The following RAD51B variants were observed in gnomAD, a reference collection of about 807,000 sequenced individuals.
RAD51B encodes the protein RAD51 paralog B.
A neutral mutation model predicts 42.2 loss-of-function variants in RAD51B; 38 were observed. The ratio of observed to expected loss-of-function variants is 0.90; its 90% CI spans 0.70 to 1.18. The LOEUF is 1.18. Ranked by LOEUF, RAD51B falls within the 50% of genes most tolerant of loss-of-function variation. The pLI is 0.00. For synonymous variants in RAD51B, 154 were observed against 145.2 expected (o/e 1.06, Z -0.43); for missense variants, 373 against 400.7 (o/e 0.93, Z 0.59).
intron 10 of RAD51B, among the ~76,000 whole-genome samples, chr14:68,629,339 G>A (rs1892171928): frequency 6.6e-6 from 1 of 152,060 alleles, no homozygotes. Flanking sequence ...GTCTCCAGGG[G>A]GTTTGCAAAA....
At chr14:68,646,683 CTG>C (rs2140134547) in intron 10 of RAD51B, among the ~76,000 whole-genome samples, 1 of 152,236 alleles carries the variant, frequency 6.6e-6, no homozygotes, top group South Asian at 2.1e-4. Context: ...TTCAAGAAAT[CTG>C]TGTTGATTCT....
At chr14:68,386,233 T>C (rs1021048549) in intron 8 of RAD51B, among the ~76,000 whole-genome samples, 2 of 152,162 alleles carry the variant, frequency 1.3e-5, no homozygotes, top group African/African-American at 4.8e-5. Context: ...TTCCATCTGC[T>C]ATGTGTCTCT....
In RAD51B at chr14:68,421,705, A is replaced by C. The variant is rs539184575; in HGVS notation, c.957+10178A>C. ...ATAAAACACAAGTCAAACTTATTCG[A>C]GTTGTCCACAGTCAGCAATGGTGAT... On this transcript the variant is annotated intron_variant, in intron 9 of 10. Transcript: ENST00000471583. The C allele has an allele frequency of 5.1e-6, 8 of 1,584,146 alleles. No homozygotes were observed. In the South Asian group the frequency reaches 8.8e-5, roughly 17 times the overall value.
At chr14:68,268,811 T>G (rs1214608702) in intron 7 of RAD51B, among the ~76,000 whole-genome samples, 3 of 152,252 alleles carry the variant, frequency 2.0e-5, no homozygotes, top group Admixed American at 2.0e-4. Context: ...TTAGTAGAGA[T>G]GTAATAAGTA....
rs148816861 is a variant in RAD51B at position 67,883,610 on chromosome 14, A to C, written c.453-2259A>C. ...GTCACCTTATTAATAAGGCTTTGTC[A>C]GTTCACCTGACATAAAATATAAAAT... is the stretch of plus-strand genomic sequence containing the variant. On this transcript the variant is annotated intron_variant, in intron 5 of 10. Transcript: ENST00000471583. Among the ~76,000 whole-genome samples the C allele has an allele frequency of 5.3e-3, 813 of 152,288 alleles. 6 individuals carry two copies. Among genetic ancestry groups the C allele is most frequent in the African/African-American group, 0.018 (767 of 41,558 alleles).
intron 10 of RAD51B, chr14:68,541,111 C>A: frequency 2.0e-6 from 2 of 985,416 alleles, no homozygotes; most frequent in Non-Finnish European, 2.4e-6. Context: ...TGTGATGTTT[C>A]CAGATGTGTA....
At chr14:67,963,543 C>A (rs1393789880) in intron 7 of RAD51B, among the ~76,000 whole-genome samples, 1 of 151,968 alleles carries the variant, frequency 6.6e-6, no homozygotes, top group East Asian at 1.9e-4. Context: ...CTTATCTTGA[C>A]CCCTTTTCTC....
At chr14:67,899,346 G>A (rs1566948484) in intron 7 of RAD51B, among the ~76,000 whole-genome samples, 1 of 152,034 alleles carries the variant, frequency 6.6e-6, no homozygotes, top group Non-Finnish European at 1.5e-5. Context: ...ACCACACCCG[G>A]CCTAGATTAT....
intron 10 of RAD51B, among the ~76,000 whole-genome samples, chr14:68,476,935 G>A (rs1276262455): frequency 1.3e-5 from 2 of 152,142 alleles, no homozygotes; most frequent in African/African-American, 2.4e-5. Context: ...GGCCTTCCAT[G>A]TCCAGATGTT....
intron 7 of RAD51B, among the ~76,000 whole-genome samples, chr14:68,109,419 A>G (rs542666040): frequency 5.9e-4 from 89 of 152,118 alleles, no homozygotes; most frequent in African/African-American, 2.0e-3. Context: ...CCTGGTGCTA[A>G]TGAGATGTGT....
chr14:68,533,211 T>C (rs1887420688), intron 10 of RAD51B, among the ~76,000 whole-genome samples: 1 of 152,184 alleles, frequency 6.6e-6, no homozygotes, highest in Non-Finnish European at 1.5e-5. Context: ...TTTCATTGAG[T>C]TTGCTGAATA....
Position 68,516,512 on chromosome 14 carries a change from G to A in RAD51B, c.1036+48262G>A, listed in dbSNP as rs534519982. Among the ~76,000 whole-genome samples the A allele has an allele frequency of 3.3e-5, 5 of 152,284 alleles. No individual in the cohort carries two copies. In the South Asian group the frequency reaches 8.3e-4, roughly 25 times the overall value. ...GTATGCGAAGGAAACCCAGCCTCAC[G>A]TAGTTATTTTGTTGGAAAAGGGAGG... On this transcript the variant is annotated intron_variant, in intron 10 of 10. Transcript: ENST00000487270.
chr14:67,976,205 C>T (rs1002100458), intron 7 of RAD51B, among the ~76,000 whole-genome samples: 1 of 151,908 alleles, frequency 6.6e-6, no homozygotes, highest in African/African-American at 2.4e-5. Flanking sequence ...CAGCCTGGAC[C>T]TCCTGGGCTC....
At chr14:67,865,842 T>G (rs2042322926) in intron 5 of RAD51B, among the ~76,000 whole-genome samples, 1 of 152,238 alleles carries the variant, frequency 6.6e-6, no homozygotes, top group African/African-American at 2.4e-5. Context: ...CTGGCCTAAA[T>G]TGGTCTTTTT....
intron 4 of RAD51B, among the ~76,000 whole-genome samples, chr14:67,843,248 C>CT: frequency 8.6e-6 from 1 of 115,640 alleles, no homozygotes; most frequent in South Asian, 2.4e-4. Context: ...GTGTGCTGCA[C>CT]CAACTGGTCA....
chr14:68,061,053 C>CTTTT lies in RAD51B; in HGVS notation c.756+173869_756+173872dup, dbSNP rs755916680. Among the ~76,000 whole-genome samples the CTTTT allele has an allele frequency of 1.5e-3, 154 of 101,288 alleles. 2 individuals are homozygous for CTTTT. The highest frequency in any genetic ancestry group is 2.5e-3 in the East Asian group (8 of 3,248). The allele number at this position is 101,288 out of a possible 152,430, so 66.4% of individuals were successfully genotyped here. A position where few individuals can be genotyped will look rare whatever the true frequency, so the allele number is the denominator to read the frequency against. On this transcript the variant is annotated intron_variant, in intron 7 of 10. Coordinates refer to ENST00000471583, the MANE Select transcript of RAD51B (RefSeq NM_133510.4). Reference sequence around the variant, plus strand: ...CAGAATTGCTTTAGGTATTTGAGGTCTTTTTTTTTTTTTTTTTTTTTTTCT... The same window carrying CTTTT: ...CAGAATTGCTTTAGGTATTTGAGGTCTTTTTTTTTTTTTTTTTTTTTTTTTTTCT...
At position 67,893,494 on chromosome 14, in the gene RAD51B, AC is replaced by A. The variant is rs1445009865; in HGVS notation, c.756+6291del. 9.6e-4 allele frequency among the ~76,000 whole-genome samples: 82 copies of A among 85,384 alleles called. 1 individual carries two copies. The highest frequency in any genetic ancestry group is 2.5e-3 in the African/African-American group (43 of 17,534). The allele number at this position is 85,384 out of a possible 152,430, so 56.0% of individuals were successfully genotyped here. Reference sequence around the variant, plus strand: ...CACACACACACACACACACACACACACACACACACACACACAAAAAAAAACA... The same window carrying A: ...CACACACACACACACACACACACACAACACACACACACACAAAAAAAAACA... On this transcript the variant is annotated intron_variant, in intron 7 of 10. Transcript: ENST00000471583.
At chr14:68,436,134 A>G (rs1477275721) in intron 9 of RAD51B, among the ~76,000 whole-genome samples, 1 of 152,150 alleles carries the variant, frequency 6.6e-6, no homozygotes, top group African/African-American at 2.4e-5. Flanking sequence ...ATTTTCTTCT[A>G]GGATTCTTAT....
At chr14:68,111,044 C>T (rs977434607) in intron 7 of RAD51B, among the ~76,000 whole-genome samples, 1 of 151,986 alleles carries the variant, frequency 6.6e-6, no homozygotes, top group African/African-American at 2.4e-5. Flanking sequence ...ATTTTTCTTA[C>T]AAGATTTTAA....
Sources: allele counts gnomAD v4.1 joint callset (sites outside exome capture counted in the v4.1 genomes callset), GRCh38; gene constraint gnomAD v4.1.1; transcripts MANE v1.5; gene names NCBI Gene and HGNC (gene_info 2026-07-23, HGNC 2026-07-21).